PDE4D: variants seen among roughly 807,000 people sequenced by gnomAD.
PDE4D encodes 3',5'-cyclic-AMP phosphodiesterase 4D.
In PDE4D, 24 loss-of-function variants were observed where a neutral mutation model predicts 87.4. That is an observed-to-expected ratio of 0.27 (90% confidence interval 0.20 to 0.39). PDE4D has a LOEUF of 0.39. PDE4D is among the 10% of genes least tolerant of loss of function. PDE4D has a pLI of 1.00. For missense variants in PDE4D, 714 were observed against 1,041.0 expected (o/e 0.69, Z 4.32); for synonymous variants, 384 against 383.2 (o/e 1.00, Z -0.02).
chr5:59,829,637 A>G (rs977496197), intron 1 of PDE4D, among the ~76,000 whole-genome samples: 1 of 152,088 alleles, frequency 6.6e-6, no homozygotes, highest in African/African-American at 2.4e-5. Context: ...AAAAAACATA[A>G]AAATTCATTA....
At chr5:60,140,987 CG>C (rs1780486554) in intron 2 of PDE4D, among the ~76,000 whole-genome samples, 1 of 152,118 alleles carries the variant, frequency 6.6e-6, no homozygotes, top group Admixed American at 6.6e-5. Flanking sequence ...AAGCCCCTTG[CG>C]GGATTAGAAC....
chr5:60,041,500 G>A (rs1246137993), intron 2 of PDE4D, among the ~76,000 whole-genome samples: 1 of 152,172 alleles, frequency 6.6e-6, no homozygotes, highest in African/African-American at 2.4e-5. Context: ...GAATTACAGT[G>A]GCTGGCTGGC....
intron 1 of PDE4D, chr5:59,586,684 C>T (rs1825194301): frequency 1.0e-6 from 1 of 985,128 alleles, no homozygotes; most frequent in Non-Finnish European, 1.2e-6. Flanking sequence ...TAAATGGTGG[C>T]AAATATTGTC....
chr5:59,441,611 T>C (rs1271041536), intron 1 of PDE4D, among the ~76,000 whole-genome samples: 1 of 152,156 alleles, frequency 6.6e-6, no homozygotes, highest in Non-Finnish European at 1.5e-5. Context: ...ACACCCCAGG[T>C]GTGATATGAC....
At chr5:59,185,157 C>A in intron 4 of PDE4D, 32 bp downstream of exon 4, 1 of 1,560,600 alleles carries the variant, frequency 6.4e-7, no homozygotes, top group South Asian at 1.1e-5. Flanking sequence ...AAAAGTTCAG[C>A]AAAAAAGAGG....
intron 3 of PDE4D, among the ~76,000 whole-genome samples, chr5:59,922,912 C>T (rs768587708): frequency 5.9e-5 from 9 of 152,110 alleles, no homozygotes; most frequent in Non-Finnish European, 1.3e-4. Context: ...CTTGGGATCT[C>T]CCATTCCAGG....
chr5:59,508,553 G>T (rs12186707), intron 1 of PDE4D, among the ~76,000 whole-genome samples: 1 of 151,298 alleles, frequency 6.6e-6, no homozygotes, highest in South Asian at 2.1e-4. Flanking sequence ...AAAAAATATA[G>T]AAAATGCATA....
At chr5:59,390,688 T>C (rs1463721987) in intron 1 of PDE4D, among the ~76,000 whole-genome samples, 1 of 152,090 alleles carries the variant, frequency 6.6e-6, no homozygotes, top group Admixed American at 6.6e-5. Context: ...CCTTATAAGT[T>C]GTTGTGACTT....
intron 1 of PDE4D, among the ~76,000 whole-genome samples, chr5:59,712,392 T>TCA: frequency 1.5e-5 from 1 of 67,352 alleles, no homozygotes; most frequent in African/African-American, 5.6e-5. Context: ...TTAATATTAT[T>TCA]CATATATATA....
chr5:60,285,873 G>T (rs149295605), intron 1 of PDE4D, among the ~76,000 whole-genome samples: 173 of 152,330 alleles, frequency 1.1e-3, no homozygotes, highest in African/African-American at 4.1e-3. Flanking sequence ...GATCACATGA[G>T]TGGGTTTGCA....
chr5:59,093,598 CAACCTAT>C (rs1430374891), intron 5 of PDE4D, among the ~76,000 whole-genome samples: 1 of 152,174 alleles, frequency 6.6e-6, no homozygotes, highest in Non-Finnish European at 1.5e-5. Context: ...TTTGATTGAA[CAACCTAT>C]GATGCAACAG....
chr5:59,046,293 C>T (rs11738454), intron 5 of PDE4D, among the ~76,000 whole-genome samples: 27,117 of 151,780 alleles, frequency 0.18, 3,323 homozygotes, highest in East Asian at 0.7. Context: ...TGTGTGTAAG[C>T]GCATGAGAGA....
intron 3 of PDE4D, among the ~76,000 whole-genome samples, chr5:59,933,343 G>A (rs189840305): frequency 3.9e-5 from 6 of 152,250 alleles, no homozygotes; most frequent in African/African-American, 1.4e-4. Flanking sequence ...AGAACACTAT[G>A]GAAATGTCTT....
chr5:59,813,120 G>T (rs1390626693), intron 1 of PDE4D, among the ~76,000 whole-genome samples: 2 of 152,176 alleles, frequency 1.3e-5, no homozygotes, highest in Admixed American at 1.3e-4. Flanking sequence ...TATGGTCCAA[G>T]GACAATCTGT....
At chr5:59,256,629 G>A (rs1761018540) in intron 1 of PDE4D, among the ~76,000 whole-genome samples, 1 of 152,012 alleles carries the variant, frequency 6.6e-6, no homozygotes, top group Non-Finnish European at 1.5e-5. Flanking sequence ...ATGTTACTGA[G>A]TGTTCATGGA....
At position 59,762,731 on chromosome 5, in the gene PDE4D, TATATA is replaced by T. The variant is rs200031904; in HGVS notation, c.455+130432_455+130436del. Among the ~76,000 whole-genome samples the T allele has an allele frequency of 1.9e-3, 282 of 147,618 alleles. 3 individuals carry two copies. The East Asian group carries it at 0.042, about 22-fold the overall frequency. On this transcript the variant is annotated intron_variant, in intron 1 of 14. Transcript: ENST00000340635. ...ATATGTATATAGGTTCATATAGGTA[TATATA>T]ATATATGTATATAGGTACATATATG...
intron 3 of PDE4D, among the ~76,000 whole-genome samples, chr5:59,916,954 AT>A (rs750105496): frequency 0.095 from 6,971 of 73,590 alleles, 659 homozygotes; most frequent in African/African-American, 0.33. Flanking sequence ...TGCCCGGCTA[AT>A]TTTTTTTTTT....
At chr5:59,221,977 A>G (rs1752669211) in intron 1 of PDE4D, among the ~76,000 whole-genome samples, 1 of 152,228 alleles carries the variant, frequency 6.6e-6, no homozygotes, top group Non-Finnish European at 1.5e-5. Flanking sequence ...GGGGGCAGTA[A>G]CAGTAATGAC....
At chr5:59,193,740 GT>G (rs1744830929) in intron 2 of PDE4D, 1 of 985,238 alleles carries the variant, frequency 1.0e-6, no homozygotes, top group African/African-American at 1.7e-5. Context: ...AACTCCCTGG[GT>G]AAAAAGAGGG....
Sources: allele counts gnomAD v4.1 joint callset (sites outside exome capture counted in the v4.1 genomes callset), GRCh38; gene constraint gnomAD v4.1.1; transcripts MANE v1.5; gene names NCBI Gene and HGNC (gene_info 2026-07-23, HGNC 2026-07-21).